The following PTPRN2 variants were observed in gnomAD, a reference collection of about 807,000 sequenced individuals.
PTPRN2 encodes the protein protein tyrosine phosphatase receptor type N2.
In PTPRN2, 74 loss-of-function variants were observed where a neutral mutation model predicts 118.8. That is an observed-to-expected ratio of 0.62 (90% CI 0.52 to 0.76). The LOEUF (loss-of-function observed/expected upper bound fraction) is 0.76. Among genes scored for constraint, PTPRN2 ranks in the 30% least tolerant of loss-of-function variants. PTPRN2 has a pLI of 0.00. For synonymous variants in PTPRN2, 641 were observed against 608.0 expected (o/e 1.05, Z -0.80); for missense variants, 1,481 against 1,394.4 (o/e 1.06, Z -0.99).
intron 2 of PTPRN2, among the ~76,000 whole-genome samples, chr7:158,405,098 C>T (rs1813305246): frequency 6.6e-6 from 1 of 151,754 alleles, no homozygotes; most frequent in Non-Finnish European, 1.5e-5. Flanking sequence ...CTCCCCGGCC[C>T]CAGCTCCCTG....
chr7:157,564,184 C>T (rs549241955), intron 21 of PTPRN2, among the ~76,000 whole-genome samples: 5 of 152,120 alleles, frequency 3.3e-5, no homozygotes, highest in African/African-American at 7.2e-5. Flanking sequence ...CAGGCTGGAG[C>T]GCAATGGTGC....
At chr7:158,369,473 C>T (rs1004416747) in intron 2 of PTPRN2, among the ~76,000 whole-genome samples, 2 of 152,168 alleles carry the variant, frequency 1.3e-5, no homozygotes, top group African/African-American at 4.8e-5. Flanking sequence ...TGGGCAGATG[C>T]TATCAGCACC....
At chr7:157,621,281 C>CG (rs1481232265) in intron 15 of PTPRN2, 81 bp downstream of exon 15, 613 of 881,458 alleles carry the variant, frequency 7.0e-4, no homozygotes, top group Non-Finnish European at 8.5e-4. Flanking sequence ...CTCCTGCCCT[C>CG]GGGCCTGGTA....
rs1375444190 is a variant in PTPRN2, at chr7:158,526,852, G to GA, written c.113-37068dup. Among the ~76,000 whole-genome samples, 16 of 152,246 alleles carry GA rather than the reference G, an allele frequency of 1.1e-4. No individual in the cohort carries two copies. Among genetic ancestry groups the GA allele is most frequent in the Admixed American group, 4.6e-4 (7 of 15,296 alleles). ...CTCATCTTGGACTTTCGGCCTCCAG[G>GA]ACTCAGAAATGTCTGTTGTTTGCTA... is the stretch of plus-strand genomic sequence containing the variant. On this transcript the variant is annotated intron_variant, in intron 1 of 22. Transcript: ENST00000389418. This position sits in a 1 kb window ranked among gnomAD's most constrained non-coding sequence, Gnocchi z 5.2.
intron 3 of PTPRN2, among the ~76,000 whole-genome samples, chr7:158,292,542 A>C (rs1294989476): frequency 6.6e-6 from 1 of 152,236 alleles, no homozygotes; most frequent in Non-Finnish European, 1.5e-5. Flanking sequence ...GTACATTCTG[A>C]GTAATTCCTC....
At position 158,515,083 on chromosome 7, in the gene PTPRN2, G is replaced by T. The variant is rs931764088; in HGVS notation, c.113-25298C>A. ...GATCCGAAAACAGCAGGCAGAACAA[G>T]GTTGCACTATGGCGAGGAGAACTGG... On this transcript the variant is annotated intron_variant, in intron 1 of 22. Coordinates refer to ENST00000389418, the MANE Select transcript of PTPRN2 (RefSeq NM_002847.5). 2.0e-5 allele frequency among the ~76,000 whole-genome samples: 3 copies of T among 152,206 alleles called. No homozygotes were observed. The South Asian group carries it at 6.2e-4, about 32-fold the overall frequency.
At chr7:158,177,455 A>G (rs1023105272) in intron 5 of PTPRN2, among the ~76,000 whole-genome samples, 1 of 152,118 alleles carries the variant, frequency 6.6e-6, no homozygotes, top group African/African-American at 2.4e-5. Flanking sequence ...GATATAATTG[A>G]CATACAATAA....
intron 12 of PTPRN2, among the ~76,000 whole-genome samples, chr7:157,772,086 CACAA>C (rs1336366540): frequency 3.3e-5 from 5 of 151,038 alleles, no homozygotes; most frequent in Non-Finnish European, 7.4e-5. Context: ...AGAACACAGA[CACAA>C]ACACACACAT....
chr7:158,572,114 G>A (rs1286800335), intron 1 of PTPRN2, among the ~76,000 whole-genome samples: 1 of 152,166 alleles, frequency 6.6e-6, no homozygotes, highest in African/African-American at 2.4e-5. Flanking sequence ...GGTTCTGGAG[G>A]GCAGGGACTC....
chr7:157,659,185 A>AGAT (rs1795755064), intron 13 of PTPRN2, among the ~76,000 whole-genome samples: 1 of 150,922 alleles, frequency 6.6e-6, no homozygotes, highest in African/African-American at 2.4e-5. Flanking sequence ...ACTCATAGCG[A>AGAT]GATACAGGTG....
chr7:158,541,249 G>A (rs1825968506), intron 1 of PTPRN2, among the ~76,000 whole-genome samples: 1 of 152,116 alleles, frequency 6.6e-6, no homozygotes, highest in African/African-American at 2.4e-5. Flanking sequence ...AAATTCTTTG[G>A]TTTCTCTAGG....
At chr7:158,482,373 T>C (rs1019997844) in intron 2 of PTPRN2, among the ~76,000 whole-genome samples, 1 of 152,222 alleles carries the variant, frequency 6.6e-6, no homozygotes, top group Non-Finnish European at 1.5e-5. Context: ...GTCAATTTTA[T>C]TTGTCTTATT....
intron 2 of PTPRN2, among the ~76,000 whole-genome samples, chr7:158,414,780 C>T (rs1814514947): frequency 6.6e-6 from 1 of 152,210 alleles, no homozygotes; most frequent in African/African-American, 2.4e-5. Flanking sequence ...GGAGGGGCAT[C>T]CACTGATGAA....
chr7:157,759,208 C>G (rs1261486278), intron 12 of PTPRN2, among the ~76,000 whole-genome samples: 1 of 152,240 alleles, frequency 6.6e-6, no homozygotes, highest in Admixed American at 6.5e-5. Flanking sequence ...CGCAGGCGGT[C>G]GGCATTGTTA....
chr7:158,298,077 T>A (rs1261149802), intron 3 of PTPRN2, among the ~76,000 whole-genome samples: 1 of 152,232 alleles, frequency 6.6e-6, no homozygotes, highest in Admixed American at 6.5e-5. Context: ...TGGAATTCCC[T>A]TTTTCCTCTC....
At chr7:158,502,017 G>C (rs193106506) in intron 1 of PTPRN2, among the ~76,000 whole-genome samples, 347 of 152,244 alleles carry the variant, frequency 2.3e-3, no homozygotes, top group Middle Eastern at 6.8e-3. Context: ...TGATAAAGCC[G>C]TCACGGAGTA....
In PTPRN2 at chr7:158,393,546, C is replaced by G. The variant is rs192028542; in HGVS notation, c.164-76614G>C. Among the ~76,000 whole-genome samples the G allele has an allele frequency of 8.0e-4, 122 of 152,250 alleles. 4 individuals are homozygous for G. The South Asian group carries it at 0.023, about 28-fold the overall frequency. On this transcript the variant is annotated intron_variant, in intron 2 of 22. Transcript: ENST00000389418. ...TCAGACAACATAAAGGTCTCAGGCC[C>G]GGCACCTGCTGCAGACCGGCCTCAG... is the stretch of plus-strand genomic sequence containing the variant.
chr7:158,067,673 A>G (rs1000684780), intron 11 of PTPRN2, among the ~76,000 whole-genome samples: 4 of 151,960 alleles, frequency 2.6e-5, no homozygotes, highest in Non-Finnish European at 5.9e-5. Context: ...GCCTGTGGCG[A>G]AAGCTGCCAG....
At chr7:158,077,833 C>G (rs1236994540) in intron 11 of PTPRN2, among the ~76,000 whole-genome samples, 1 of 152,136 alleles carries the variant, frequency 6.6e-6, no homozygotes, top group African/African-American at 2.4e-5. Context: ...CAGAAATATA[C>G]TATTTAAGAA....
Sources: allele counts gnomAD v4.1 joint callset (sites outside exome capture counted in the v4.1 genomes callset), GRCh38; gene constraint gnomAD v4.1.1; non-coding constraint Gnocchi (gnomAD v3.1); transcripts MANE v1.5; gene names NCBI Gene and HGNC (gene_info 2026-07-23, HGNC 2026-07-21).